Variants in FAM131C observed in about 807,000 individuals in gnomAD.
FAM131C encodes family with sequence similarity 131 member C, also known as protein FAM131C.
Under a neutral mutation model 29.8 loss-of-function variants are expected in FAM131C, and 14 were observed. That is an observed-to-expected ratio of 0.47 (90% confidence interval 0.31 to 0.73). The LOEUF (loss-of-function observed/expected upper bound fraction) is 0.73, where lower values mean the gene tolerates loss of function less well. Ranked by LOEUF, FAM131C falls within the 30% of genes least tolerant of loss-of-function variation. The probability of loss-of-function intolerance (pLI) is 0.05; values close to 1 mark genes in which losing one functional copy is unlikely to be tolerated. For synonymous variants in FAM131C, 86 were observed against 157.8 expected (o/e 0.54, Z 3.41); for missense variants, 252 against 383.8 (o/e 0.66, Z 2.87).
At chr1:16,062,232 G>T (rs757629266) in intron 3 of FAM131C, 40 bp from the exon 4 acceptor site, 1 of 1,588,530 alleles carries the variant, frequency 6.3e-7, no homozygotes. Flanking sequence ...GGTGGGCCAG[G>T]CTGCCGGCCG....
intron 3 of FAM131C, 120 bp downstream of exon 3, chr1:16,062,378 AG>A (rs1367406304): frequency 1.4e-5 from 17 of 1,185,380 alleles, no homozygotes; most frequent in African/African-American, 1.4e-4. Flanking sequence ...CTGTTTCATC[AG>A]GCCCCCCCCC....
intron 4 of FAM131C, among the ~76,000 whole-genome samples, chr1:16,061,706 C>T (rs527749975): frequency 5.3e-5 from 8 of 151,874 alleles, no homozygotes; most frequent in Admixed American, 1.3e-4. Context: ...CTGCCTCCCC[C>T]GCTGCCTGCT....
chr1:16,062,404 C>A, intron 3 of FAM131C, 95 bp downstream of exon 3: 2 of 1,347,346 alleles, frequency 1.5e-6, no homozygotes, highest in Non-Finnish European at 9.8e-7. Context: ...CGCCCCAGGG[C>A]CAGCAGGACT....
chr1:16,062,897 T>C (rs2023623623), intron 2 of FAM131C, among the ~76,000 whole-genome samples: 1 of 152,162 alleles, frequency 6.6e-6, no homozygotes, highest in Non-Finnish European at 1.5e-5. Flanking sequence ...TGGTGAGGCC[T>C]AAATAACATA....
chr1:16,072,328 C>T (rs1234372030), intron 1 of FAM131C, among the ~76,000 whole-genome samples: 4 of 152,216 alleles, frequency 2.6e-5, no homozygotes, highest in Admixed American at 6.5e-5. Context: ...AGAAGCCCTT[C>T]GAGTCCAGAG....
intron 1 of FAM131C, among the ~76,000 whole-genome samples, chr1:16,065,839 C>A (rs2124131696): frequency 6.6e-6 from 1 of 152,280 alleles, no homozygotes; most frequent in East Asian, 1.9e-4. Flanking sequence ...CCCAAATCCT[C>A]ATTTCAGGGG....
intron 1 of FAM131C, 147 bp downstream of exon 1, chr1:16,073,274 T>C (rs956439807): frequency 2.6e-6 from 1 of 381,000 alleles, no homozygotes; most frequent in Non-Finnish European, 4.4e-6. Flanking sequence ...TCCCTAGCTC[T>C]GTCCCCCTCA....
At position 16,058,484 on chromosome 1, in the gene FAM131C, T is replaced by G; in HGVS notation, c.796A>C (p.Met266Leu). The part of the protein sequence containing the change: ...GTHPPGSLPS[M>L]DSGSLWEEDE... ...TCCTCCCAGAGGGAGCCGCTGTCCA[T>G]GGAGGGGAGGGAGCCCGGGGGGTGG... is the stretch of plus-strand genomic sequence containing the variant. Residue 266 changes from methionine to leucine, a missense_variant, in exon 7 of 7, where the codon ATG becomes CTG. Physicochemically the swap from Met to Leu is conservative, Grantham distance 15. Around this residue, in one of 6 missense-constraint regions of FAM131C, gnomAD observed 42 missense variants for 51.7 expected, o/e 0.81. Coordinates refer to ENST00000375662, the MANE Select transcript of FAM131C (RefSeq NM_182623.3). 2.1e-5 allele frequency: 32 copies of G among 1,498,002 alleles called. No homozygotes were observed. The highest frequency in any genetic ancestry group is 2.8e-5 in the Non-Finnish European group (32 of 1,126,236). The allele number at this position is 1,498,002 out of a possible 1,614,324, so 92.8% of individuals were successfully genotyped here. A position where few individuals can be genotyped will look rare whatever the true frequency, so the allele number is the denominator to read the frequency against.
intron 1 of FAM131C, among the ~76,000 whole-genome samples, chr1:16,070,343 C>A (rs1362005435): frequency 6.6e-6 from 1 of 152,174 alleles, no homozygotes; most frequent in African/African-American, 2.4e-5. Context: ...GCATTTGTTG[C>A]CTTAATCTGG....
chr1:16,062,396 C>CCCCCCCCCCCCCCCA, intron 3 of FAM131C, 103 bp downstream of exon 3: 1 of 1,358,546 alleles, frequency 7.4e-7, no homozygotes, highest in Non-Finnish European at 9.8e-7. Context: ...CCCCCCCCCG[C>CCCCCCCCCCCCCCCA]CCCAGGGCCA....
intron 1 of FAM131C, among the ~76,000 whole-genome samples, chr1:16,070,320 G>C (rs1286285895): frequency 6.6e-6 from 1 of 152,192 alleles, no homozygotes; most frequent in Non-Finnish European, 1.5e-5. Context: ...ATGCAAAATA[G>C]CTCCTGGAAA....
chr1:16,065,313 C>T (rs901540469), intron 1 of FAM131C, among the ~76,000 whole-genome samples: 10 of 152,194 alleles, frequency 6.6e-5, no homozygotes, highest in African/African-American at 2.4e-4. Flanking sequence ...ATCCTGTTAG[C>T]CCTCTCTTAG....
chr1:16,073,437 G>T lies in FAM131C; in HGVS notation c.6C>A (p.Gly2=). The stretch of plus-strand genomic sequence containing the variant: ...CCCCCTCACCTCGCGACACGCAGGA[G>T]CCCATCACGGGGCCGCGGGGCCGGG... M[G]SCVSRDLFTS... The change falls in exon 1 of 7, where the codon GGC becomes GGA. Residue 2 remains glycine (G), a synonymous_variant. Coordinates refer to ENST00000375662, the MANE Select transcript of FAM131C (RefSeq NM_182623.3). 8.3e-7 allele frequency: 1 copy of T among 1,210,960 alleles called. No homozygotes were observed. The allele number at this position is 1,210,960 out of a possible 1,614,324, so 75.0% of individuals were successfully genotyped here. A position where few individuals can be genotyped will look rare whatever the true frequency, so the allele number is the denominator to read the frequency against.
intron 1 of FAM131C, among the ~76,000 whole-genome samples, chr1:16,064,507 C>T (rs2023649125): frequency 6.6e-6 from 1 of 152,170 alleles, no homozygotes; most frequent in Non-Finnish European, 1.5e-5. Context: ...TCACTGTGCC[C>T]TCTCCACTCT....
intron 6 of FAM131C, among the ~76,000 whole-genome samples, chr1:16,059,126 G>A (rs1170086662): frequency 7.6e-4 from 115 of 151,534 alleles, no homozygotes; most frequent in African/African-American, 2.2e-3. Context: ...CGGCTCTGAC[G>A]CTTCTAGCTG....
chr1:16,072,447 G>A (rs929248536), intron 1 of FAM131C, among the ~76,000 whole-genome samples: 5 of 152,072 alleles, frequency 3.3e-5, no homozygotes, highest in African/African-American at 1.2e-4. Flanking sequence ...AGTGGGTTTG[G>A]CCTCAGCCTG....
At chr1:16,058,769 G>C (rs115812628) in intron 6 of FAM131C, 52 bp from the exon 7 acceptor site, 4 of 1,351,792 alleles carry the variant, frequency 3.0e-6, no homozygotes, top group Non-Finnish European at 3.9e-6. Context: ...CCAGCTCCTC[G>C]CCCTCTCTGG....
At chr1:16,072,769 GGA>G (rs1445512010) in intron 1 of FAM131C, among the ~76,000 whole-genome samples, 1 of 152,126 alleles carries the variant, frequency 6.6e-6, no homozygotes, top group Non-Finnish European at 1.5e-5. Context: ...ACCACGTGGG[GGA>G]GAGTGGAGGG....
At chr1:16,060,391 A>C in intron 4 of FAM131C, among the ~76,000 whole-genome samples, 1 of 132,108 alleles carries the variant, frequency 7.6e-6, no homozygotes, top group Non-Finnish European at 1.7e-5. Flanking sequence ...CACACCCCTC[A>C]CTCCCTTTCT....
Sources: allele counts gnomAD v4.1 joint callset (sites outside exome capture counted in the v4.1 genomes callset), GRCh38; gene constraint gnomAD v4.1.1; regional missense constraint gnomAD v4.1.1; transcripts MANE v1.5; gene names NCBI Gene and HGNC (gene_info 2026-07-23, HGNC 2026-07-21).